IL1RAPL2: variants seen among roughly 807,000 people sequenced by gnomAD.
IL1RAPL2 encodes the protein interleukin 1 receptor accessory protein like 2, also known as X-linked interleukin-1 receptor accessory protein-like 2.
A neutral mutation model predicts 44.1 loss-of-function variants in IL1RAPL2; 3 were observed. The observed-to-expected ratio is 0.07, with a 90% CI of 0.03 to 0.18. IL1RAPL2 has a LOEUF of 0.18. Ranked by LOEUF, IL1RAPL2 falls within the 10% of genes least tolerant of loss-of-function variation. The pLI, the probability that IL1RAPL2 is intolerant of heterozygous loss-of-function variation, is 1.00. For missense variants in IL1RAPL2, 391 were observed against 496.4 expected (o/e 0.79, Z 2.02); for synonymous variants, 181 against 178.8 (o/e 1.01, Z -0.10).
intron 2 of IL1RAPL2, among the ~76,000 whole-genome samples, chrX:104,763,532 T>C (rs935734344): frequency 2.7e-5 from 3 of 111,867 alleles, no homozygotes; most frequent in Non-Finnish European, 5.6e-5. Flanking sequence ...CTCTCTGCAA[T>C]ACCAAATTAC....
intron 6 of IL1RAPL2, among the ~76,000 whole-genome samples, chrX:105,540,855 T>A (rs1237134883): frequency 3.2e-5 from 3 of 93,453 alleles, no homozygotes; most frequent in African/African-American, 1.4e-4. Flanking sequence ...ATACATATAT[T>A]ATATATGATA....
intron 2 of IL1RAPL2, among the ~76,000 whole-genome samples, chrX:105,100,506 A>G (rs865873925): frequency 7.2e-5 from 8 of 111,584 alleles, no homozygotes; most frequent in African/African-American, 2.3e-4. Context: ...AAAGCACTCA[A>G]TAATGTAATG....
chrX:105,535,918 T>C (rs1171633141), intron 6 of IL1RAPL2, among the ~76,000 whole-genome samples: 1 of 111,209 alleles, frequency 9.0e-6, no homozygotes, highest in Non-Finnish European at 1.9e-5. Context: ...AAAAGGCAGC[T>C]TACTGTATTT....
chrX:105,452,145 C>T (rs187051729), intron 5 of IL1RAPL2, among the ~76,000 whole-genome samples: 30 of 111,019 alleles, frequency 2.7e-4, no homozygotes, highest in African/African-American at 9.5e-4. Context: ...AGTTTTGCAT[C>T]ATCTAGTGAT....
rs771854073 is a variant in IL1RAPL2, at chrX:105,478,288, C to T, written c.698-6025C>T. On this transcript the variant is annotated intron_variant, in intron 5 of 10. Transcript: ENST00000372582. Reference sequence around the variant, plus strand: ...TCCTACTGGCATCTTTGGGTAGAGGCCAGGGAAGCTGCTAAACATCCAACA... The same window carrying T: ...TCCTACTGGCATCTTTGGGTAGAGGTCAGGGAAGCTGCTAAACATCCAACA... 1.0e-3 allele frequency among the ~76,000 whole-genome samples: 115 copies of T among 111,112 alleles called. 1 individual carries two copies. The highest frequency in any genetic ancestry group is 3.2e-3 in the African/African-American group (98 of 30,560).
intron 6 of IL1RAPL2, among the ~76,000 whole-genome samples, chrX:105,670,696 A>G (rs1798497126): frequency 9.1e-6 from 1 of 109,817 alleles, no homozygotes; most frequent in Admixed American, 9.9e-5. Flanking sequence ...CATCTGTACT[A>G]TGATGAGTCA....
chrX:105,249,112 G>A (rs986663336), intron 4 of IL1RAPL2, among the ~76,000 whole-genome samples: 1 of 111,436 alleles, frequency 9.0e-6, no homozygotes, highest in Non-Finnish European at 1.9e-5. Flanking sequence ...ATCAACAGAT[G>A]AATGGATAAA....
chrX:105,219,320 G>T (rs1359054489), intron 3 of IL1RAPL2: 4 of 1,209,470 alleles, frequency 3.3e-6, no homozygotes, highest in Non-Finnish European at 4.5e-6. Flanking sequence ...TGGACAGGAA[G>T]AGGTTCTGAT....
intron 2 of IL1RAPL2, among the ~76,000 whole-genome samples, chrX:104,660,998 T>C (rs955708582): frequency 1.2e-4 from 13 of 110,630 alleles, no homozygotes; most frequent in African/African-American, 4.3e-4. Context: ...TTATCATTAA[T>C]GCACAGATGT....
intron 6 of IL1RAPL2, among the ~76,000 whole-genome samples, chrX:105,631,523 C>CA (rs1356265273): frequency 8.9e-6 from 1 of 112,360 alleles, no homozygotes; most frequent in Non-Finnish European, 1.9e-5. Context: ...GGATCCCCTC[C>CA]ATTTTCAGAA....
chrX:104,853,496 A>G (rs1003136465), intron 2 of IL1RAPL2, among the ~76,000 whole-genome samples: 1 of 111,254 alleles, frequency 9.0e-6, no homozygotes, highest in African/African-American at 3.3e-5. Flanking sequence ...TGGGAGGTTT[A>G]TGGTGGAGCA....
chrX:105,761,339 A>G (rs985364922), intron 10 of IL1RAPL2, among the ~76,000 whole-genome samples: 3 of 110,232 alleles, frequency 2.7e-5, no homozygotes, highest in African/African-American at 9.8e-5. Flanking sequence ...CAGAGACAGA[A>G]TCAAGACCTA....
intron 2 of IL1RAPL2, among the ~76,000 whole-genome samples, chrX:104,848,451 A>ATATATATAT (rs1922126425): frequency 1.3e-5 from 1 of 79,812 alleles, no homozygotes; most frequent in African/African-American, 4.6e-5. Context: ...ATATATATAT[A>ATATATATAT]ACTTAAACAA....
At position 104,573,049 on chromosome X, in the gene IL1RAPL2, A is replaced by G. The variant is rs59669652; in HGVS notation, c.-20+5998A>G. 6.9e-3 allele frequency among the ~76,000 whole-genome samples: 775 copies of G among 112,298 alleles called. 3 individuals are homozygous for G. Among genetic ancestry groups the G allele is most frequent in the African/African-American group, 0.024 (732 of 30,907 alleles). ...TTTGGAAGGCTGTCTTTTGTTCTGC[A>G]GAGTGCCAAGGGTATAGGAAGCATC... On this transcript the variant is annotated intron_variant, in intron 1 of 10. Transcript: ENST00000372582.
intron 5 of IL1RAPL2, among the ~76,000 whole-genome samples, chrX:105,308,623 G>A (rs919089816): frequency 8.9e-6 from 1 of 112,157 alleles, no homozygotes; most frequent in Non-Finnish European, 1.9e-5. Context: ...TTGTTTGTGT[G>A]TCTGTGAGAT....
chrX:105,162,148 G>A lies in IL1RAPL2; in HGVS notation c.83-33327G>A, dbSNP rs746259148. ...AGCACTTGTTATAGAGTCAAACATG[G>A]AGTTGTAACTTACTGTATGACATAA... On this transcript the variant is annotated intron_variant, in intron 2 of 10. Coordinates refer to ENST00000372582, the MANE Select transcript of IL1RAPL2 (RefSeq NM_017416.2). Among the ~76,000 whole-genome samples, 7 of 111,991 alleles carry A rather than the reference G, an allele frequency of 6.3e-5. No individual in the cohort carries two copies. In the East Asian group the frequency reaches 1.1e-3, roughly 18 times the overall value.
At chrX:105,439,717 C>T (rs758256838) in intron 5 of IL1RAPL2, among the ~76,000 whole-genome samples, 13 of 111,207 alleles carry the variant, frequency 1.2e-4, no homozygotes, top group African/African-American at 2.6e-4. Context: ...TGGCCCAGAG[C>T]GATGTTTTGT....
chrX:104,635,036 T>G (rs1487318429), intron 1 of IL1RAPL2, among the ~76,000 whole-genome samples: 1 of 111,279 alleles, frequency 9.0e-6, no homozygotes, highest in African/African-American at 3.3e-5. Context: ...AGGGCAGGCC[T>G]GGTGGTGACA....
chrX:105,635,749 T>C (rs2147836902), intron 6 of IL1RAPL2, among the ~76,000 whole-genome samples: 1 of 112,012 alleles, frequency 8.9e-6, no homozygotes, highest in South Asian at 3.7e-4. Flanking sequence ...TAAACCTAAA[T>C]CTGTTTAACT....
Sources: gnomAD v4.1 joint callset for allele counts (sites outside exome capture counted in the v4.1 genomes callset) on GRCh38, gnomAD v4.1.1 for gene constraint, MANE v1.5 for transcripts, NCBI Gene and HGNC (gene_info 2026-07-23, HGNC 2026-07-21) for gene names.